NLN: variants seen among roughly 807,000 people sequenced by gnomAD.
The protein encoded by NLN is neurolysin.
A neutral mutation model predicts 79.9 loss-of-function variants in NLN; 64 were observed. That is an observed-to-expected ratio of 0.80 (90% CI 0.65 to 0.99). The LOEUF is 0.99. Ranked by LOEUF, NLN falls within the 50% of genes least tolerant of loss-of-function variation. The pLI is 0.00. For synonymous variants in NLN, 267 were observed against 296.6 expected, an observed-to-expected ratio of 0.90 and a Z score of 1.02; for missense variants, 835 against 858.7, an observed-to-expected ratio of 0.97 and a Z score of 0.34.
At chr5:65,752,037 C>G (rs1420385892) in intron 1 of NLN, among the ~76,000 whole-genome samples, 1 of 152,044 alleles carries the variant, frequency 6.6e-6, no homozygotes, top group Non-Finnish European at 1.5e-5. Flanking sequence ...CTTAGGAGTT[C>G]AAGACCATCC....
chr5:65,763,844 A>G (rs1425865450), intron 3 of NLN, among the ~76,000 whole-genome samples: 1 of 152,174 alleles, frequency 6.6e-6, no homozygotes, highest in Non-Finnish European at 1.5e-5. Context: ...TGTGTCATCA[A>G]GATTTAGACA....
chr5:65,762,961 G>A lies in NLN; in HGVS notation c.303G>A (p.Val101=), dbSNP rs1759370182. ...GATAGTTTTTTTCTCCATCTGCAGT[G>A]GAAAGGACCATGCTAGACTTTCCCC... ...ALADVEVKYI[V]ERTMLDFPQH... Residue 101 remains valine, a splice_region_variant and synonymous_variant, in exon 3 of 13, where the codon GTG becomes GTA. Coordinates refer to ENST00000380985, the MANE Select transcript of NLN (RefSeq NM_020726.5). The A allele has an allele frequency of 6.2e-7, 1 of 1,613,368 alleles. No individual in the cohort carries two copies. The highest frequency in any genetic ancestry group is 8.5e-7 in the Non-Finnish European group (1 of 1,179,764).
intron 7 of NLN, among the ~76,000 whole-genome samples, chr5:65,786,319 T>C (rs1287643074): frequency 1.3e-5 from 2 of 152,176 alleles, no homozygotes; most frequent in Non-Finnish European, 2.9e-5. Flanking sequence ...AAACATTTAA[T>C]ATTCCAGAAA....
At chr5:65,789,760 T>C (rs1284805045) in intron 8 of NLN, among the ~76,000 whole-genome samples, 1 of 152,160 alleles carries the variant, frequency 6.6e-6, no homozygotes, top group Non-Finnish European at 1.5e-5. Context: ...AAAACATAAA[T>C]AAATAAAATT....
chr5:65,771,131 TA>T (rs1253488804), intron 3 of NLN, among the ~76,000 whole-genome samples: 1 of 151,866 alleles, frequency 6.6e-6, no homozygotes, highest in East Asian at 1.9e-4. Flanking sequence ...AGGTTACACA[TA>T]AAAATTTAAC....
intron 1 of NLN, among the ~76,000 whole-genome samples, chr5:65,754,353 G>A (rs1759172283): frequency 6.6e-6 from 1 of 152,162 alleles, no homozygotes; most frequent in Non-Finnish European, 1.5e-5. Flanking sequence ...GTGGGAATGA[G>A]ACCCCCTTCT....
At chr5:65,790,613 G>A (rs1251489629) in intron 8 of NLN, among the ~76,000 whole-genome samples, 1 of 152,126 alleles carries the variant, frequency 6.6e-6, no homozygotes, top group African/African-American at 2.4e-5. Flanking sequence ...CTTCCCACTG[G>A]GTCCCTCCCA....
intron 11 of NLN, 30 bp from the exon 12 acceptor site, chr5:65,812,225 A>T (rs1410225748): frequency 6.2e-7 from 1 of 1,605,524 alleles, no homozygotes; most frequent in Admixed American, 1.7e-5. Context: ...GTTTGCTATC[A>T]CATTGATTGA....
chr5:65,737,724 T>C (rs1177430831), intron 1 of NLN, among the ~76,000 whole-genome samples: 1 of 152,230 alleles, frequency 6.6e-6, no homozygotes, highest in African/African-American at 2.4e-5. Flanking sequence ...TGCAGATTTC[T>C]TAATACAAAA....
chr5:65,818,388 C>A (rs1459423627), intron 12 of NLN, among the ~76,000 whole-genome samples: 1 of 151,914 alleles, frequency 6.6e-6, no homozygotes, highest in African/African-American at 2.4e-5. Context: ...CACTTCTCTA[C>A]CCCCCCATAC....
At chr5:65,759,002 G>A (rs1392296930) in intron 2 of NLN, among the ~76,000 whole-genome samples, 176 bp downstream of exon 2, 1 of 152,128 alleles carries the variant, frequency 6.6e-6, no homozygotes, top group African/African-American at 2.4e-5. Context: ...GCTATAAAAT[G>A]TACACTCTGA....
intron 8 of NLN, among the ~76,000 whole-genome samples, chr5:65,790,335 A>G (rs1201934227): frequency 6.6e-6 from 1 of 152,206 alleles, no homozygotes; most frequent in Non-Finnish European, 1.5e-5. Context: ...ATCCTGGTGT[A>G]TTAGTCCTTT....
chr5:65,747,058 G>A (rs1053533203), intron 1 of NLN, among the ~76,000 whole-genome samples: 2 of 151,800 alleles, frequency 1.3e-5, no homozygotes, highest in African/African-American at 4.8e-5. Flanking sequence ...CATGGGTGAT[G>A]TCTCTGGAAG....
In NLN at chr5:65,826,396, T is replaced by G. The variant is rs1035800522; in HGVS notation, c.*3481T>G. 5.3e-5 allele frequency: 8 copies of G among 152,092 alleles called. No homozygotes were observed. Among genetic ancestry groups the G allele is most frequent in the African/African-American group, 1.9e-4 (8 of 41,404 alleles). The allele number at this position is 152,092 out of a possible 1,614,324, so 9.4% of individuals were successfully genotyped here. On this transcript the variant is annotated 3_prime_UTR_variant, in exon 13 of 13. Coordinates refer to ENST00000380985, the MANE Select transcript of NLN (RefSeq NM_020726.5). Reference sequence around the variant, plus strand: ...TAGGGGATGGGGCACAAACATTCAGTCCATAACGAATACTGATTCCTCAAA... The same window carrying G: ...TAGGGGATGGGGCACAAACATTCAGGCCATAACGAATACTGATTCCTCAAA...
chr5:65,782,965 C>T (rs898370895), intron 6 of NLN, among the ~76,000 whole-genome samples: 7 of 152,196 alleles, frequency 4.6e-5, no homozygotes, highest in Non-Finnish European at 1.0e-4. Flanking sequence ...TGGGTCCTTA[C>T]CTTCCATTCC....
chr5:65,820,718 T>C (rs191910868), intron 12 of NLN, among the ~76,000 whole-genome samples: 6,661 of 131,862 alleles, frequency 0.051, 208 homozygotes, highest in Non-Finnish European at 0.081. Flanking sequence ...AATGACATGT[T>C]TTTTTTTGTT....
chr5:65,768,275 T>C (rs1333849273), intron 3 of NLN, among the ~76,000 whole-genome samples: 1 of 152,216 alleles, frequency 6.6e-6, no homozygotes, highest in Non-Finnish European at 1.5e-5. Flanking sequence ...ACAATTCCTC[T>C]GGGTGGGAGG....
intron 1 of NLN, among the ~76,000 whole-genome samples, chr5:65,755,840 G>A (rs1168399149): frequency 6.6e-6 from 1 of 152,246 alleles, no homozygotes; most frequent in African/African-American, 2.4e-5. Context: ...TGTGAAAAAT[G>A]TATCTATTCT....
At chr5:65,801,554 C>T (rs1760286335) in intron 9 of NLN, among the ~76,000 whole-genome samples, 1 of 152,074 alleles carries the variant, frequency 6.6e-6, no homozygotes, top group Admixed American at 6.5e-5. Flanking sequence ...ATGATGTTGC[C>T]CAAAGGGCTC....
Sources: allele counts gnomAD v4.1 joint callset (sites outside exome capture counted in the v4.1 genomes callset), GRCh38; gene constraint gnomAD v4.1.1; transcripts MANE v1.5; gene names NCBI Gene and HGNC (gene_info 2026-07-23, HGNC 2026-07-21).